FRMPD1: variants seen among roughly 807,000 people sequenced by gnomAD.
The protein encoded by FRMPD1 is FERM and PDZ domain-containing protein 1.
FRMPD1 carries 76 observed loss-of-function variants against 117.8 expected under a neutral mutation model. The observed-to-expected ratio is 0.65, with a 90% CI of 0.54 to 0.78. The LOEUF is 0.78. Among genes scored for constraint, FRMPD1 ranks in the 30% least tolerant of loss-of-function variants. FRMPD1 has a pLI of 0.00. For synonymous variants in FRMPD1, 783 were observed against 770.4 expected (o/e 1.02, Z -0.27); for missense variants, 1,786 against 1,964.5 (o/e 0.91, Z 1.72).
the FRMPD1 span, among the ~76,000 whole-genome samples, chr9:37,628,233 G>A: frequency 3.3e-5 from 5 of 152,312 alleles, no homozygotes; most frequent in African/African-American, 7.2e-5. Flanking sequence ...AGGGCTTTAT[G>A]TTGCAAGGCT....
At chr9:37,678,019 CAG>C in intron 1 of FRMPD1, among the ~76,000 whole-genome samples, 1 of 152,198 alleles carries the variant, frequency 6.6e-6, no homozygotes, top group Middle Eastern at 3.4e-3. Context: ...AGCATTGATT[CAG>C]AGAGGAAGAA....
Position 37,708,428 on chromosome 9 carries a change from G to A in FRMPD1, c.289G>A (p.Gly97Ser). The change falls in exon 4 of 16, where the codon GGT becomes AGT. Residue 97 changes from glycine (G) to serine (S), a missense_variant. Coordinates refer to ENST00000377765, the MANE Select transcript of FRMPD1 (RefSeq NM_014907.3). ...CTCTGCTCACGGCAAGCTTTTCCCT[G>A]GTGATCAGATCCTCCAAATGAACAA... is the stretch of plus-strand genomic sequence containing the variant. The part of the protein sequence containing the change: ...GGSAHGKLFP[G>S]DQILQMNNEP... The A allele has an allele frequency of 3.1e-6, 5 of 1,612,942 alleles. No individual in the cohort carries two copies. Among genetic ancestry groups the A allele is most frequent in the Non-Finnish European group, 4.2e-6 (5 of 1,178,962 alleles).
the FRMPD1 span, among the ~76,000 whole-genome samples, chr9:37,620,744 T>C: frequency 6.6e-6 from 1 of 152,132 alleles, no homozygotes; most frequent in African/African-American, 2.4e-5. Context: ...TAATGAAATA[T>C]CTTCTGGCCC....
intron 1 of FRMPD1, among the ~76,000 whole-genome samples, chr9:37,661,024 C>T (rs903617248): frequency 6.6e-6 from 1 of 152,214 alleles, no homozygotes; most frequent in South Asian, 2.1e-4. Context: ...CTTATATTCT[C>T]TCCTGGAGTT....
the FRMPD1 span, among the ~76,000 whole-genome samples, chr9:37,634,738 A>G: frequency 6.6e-6 from 1 of 151,918 alleles, no homozygotes; most frequent in South Asian, 2.1e-4. Context: ...ATGGAAGGTA[A>G]AATTTTGGAG....
intron 6 of FRMPD1, 64 bp from the exon 7 acceptor site, chr9:37,724,161 G>A: frequency 1.2e-6 from 1 of 823,968 alleles, no homozygotes; most frequent in Admixed American, 1.8e-5. Flanking sequence ...GTGACAGAGA[G>A]AGACCCTGTC....
chr9:37,737,181 T>C lies in FRMPD1; in HGVS notation c.1487T>C (p.Val496Ala). The part of the protein sequence containing the change: ...AGYYRLLVDP[V>A]TSIFLWPGNK... ...TACTACAGGCTGTTGGTTGACCCAG[T>C]TACCTCCATTTTCCTCTGGCCTGGA... Residue 496 changes from valine (V) to alanine (A), a missense_variant, in exon 14 of 16, where the codon GTT (valine) becomes GCT (alanine). Coordinates refer to ENST00000377765, the MANE Select transcript of FRMPD1 (RefSeq NM_014907.3). 6.2e-7 allele frequency: 1 copy of C among 1,614,044 alleles called. No individual in the cohort carries two copies.
At chr9:37,630,309 T>C in the FRMPD1 span, among the ~76,000 whole-genome samples, 6 of 152,200 alleles carry the variant, frequency 3.9e-5, no homozygotes, top group Non-Finnish European at 8.8e-5. Flanking sequence ...GCACTGTTGA[T>C]GTTCCCTAGA....
At chr9:37,680,715 G>T (rs1448039240) in intron 1 of FRMPD1, among the ~76,000 whole-genome samples, 1 of 152,162 alleles carries the variant, frequency 6.6e-6, no homozygotes, top group African/African-American at 2.4e-5. Flanking sequence ...TGAATGAAAG[G>T]CTCAGAGAAC....
At chr9:37,692,987 C>T (rs781111782) in intron 2 of FRMPD1, among the ~76,000 whole-genome samples, 8 of 152,084 alleles carry the variant, frequency 5.3e-5, no homozygotes, top group African/African-American at 1.7e-4. Context: ...ACAACATTTA[C>T]AAACACACTG....
intron 5 of FRMPD1, among the ~76,000 whole-genome samples, chr9:37,711,776 G>A (rs1822918391): frequency 1.3e-5 from 2 of 152,128 alleles, no homozygotes; most frequent in Admixed American, 1.3e-4. Flanking sequence ...TGCCTTGTCT[G>A]TTTAATGGGT....
At chr9:37,639,236 A>G in the FRMPD1 span, among the ~76,000 whole-genome samples, 1 of 152,242 alleles carries the variant, frequency 6.6e-6, no homozygotes, top group African/African-American at 2.4e-5. Flanking sequence ...TTTGCACAAA[A>G]AAAGTGCTTG....
intron 13 of FRMPD1, 61 bp from the exon 14 acceptor site, chr9:37,737,035 G>A (rs1824166438): frequency 7.4e-7 from 1 of 1,345,924 alleles, no homozygotes; most frequent in East Asian, 2.3e-5. Context: ...TGGCTTTGTT[G>A]TCAGTCTTCA....
chr9:37,688,857 A>G (rs1274588609), intron 1 of FRMPD1, among the ~76,000 whole-genome samples: 1 of 152,068 alleles, frequency 6.6e-6, no homozygotes, highest in African/African-American at 2.4e-5. Context: ...ATTGGGAGGT[A>G]GTGATTGTAG....
intron 1 of FRMPD1, among the ~76,000 whole-genome samples, chr9:37,672,225 A>G (rs1821375839): frequency 6.6e-6 from 1 of 151,408 alleles, no homozygotes; most frequent in Non-Finnish European, 1.5e-5. Context: ...CAATAAACCT[A>G]TTTAAAAAGT....
At chr9:37,729,966 T>C in intron 8 of FRMPD1, 113 bp downstream of exon 8, 1 of 1,142,244 alleles carries the variant, frequency 8.8e-7, no homozygotes, top group African/African-American at 1.5e-5. Context: ...ATGCACTTTC[T>C]CTTGCCCCAG....
At chr9:37,653,313 C>T (rs1487901848) in intron 1 of FRMPD1, among the ~76,000 whole-genome samples, 2 of 152,156 alleles carry the variant, frequency 1.3e-5, no homozygotes, top group Non-Finnish European at 2.9e-5. Flanking sequence ...TTCTTTTTAT[C>T]AGAGGGTTCA....
chr9:37,637,964 C>CTTTTTTTTT, the FRMPD1 span, among the ~76,000 whole-genome samples: 40 of 32,146 alleles, frequency 1.2e-3, no homozygotes, highest in Admixed American at 3.1e-3. Flanking sequence ...ATGGTGTATG[C>CTTTTTTTTT]TTTCTTTCTT....
the FRMPD1 span, among the ~76,000 whole-genome samples, chr9:37,618,225 A>T: frequency 6.6e-6 from 1 of 152,254 alleles, no homozygotes; most frequent in Non-Finnish European, 1.5e-5. Flanking sequence ...AAAAAGGACA[A>T]GACATCTGCA....
Sources: allele counts gnomAD v4.1 joint callset (sites outside exome capture counted in the v4.1 genomes callset), GRCh38; gene constraint gnomAD v4.1.1; transcripts MANE v1.5; gene names NCBI Gene and HGNC (gene_info 2026-07-23, HGNC 2026-07-21).